The following RASGRP1 variants were observed in gnomAD, a reference collection of about 807,000 sequenced individuals.
The protein encoded by RASGRP1 is RAS guanyl-releasing protein 1.
Under a neutral mutation model 95.1 loss-of-function variants are expected in RASGRP1, and 37 were observed. The observed-to-expected ratio is 0.39, with a 90% CI of 0.30 to 0.51. The LOEUF (loss-of-function observed/expected upper bound fraction) is 0.51, where lower values mean the gene tolerates loss of function less well. Among genes scored for constraint, RASGRP1 ranks in the 20% least tolerant of loss-of-function variants. RASGRP1 has a pLI of 0.80. For synonymous variants in RASGRP1, 325 were observed against 353.4 expected (o/e 0.92, Z 0.90); for missense variants, 711 against 965.4 (o/e 0.74, Z 3.49).
chr15:38,521,796 C>G (rs1892011628), intron 3 of RASGRP1, among the ~76,000 whole-genome samples: 1 of 152,142 alleles, frequency 6.6e-6, no homozygotes, highest in African/African-American at 2.4e-5. Flanking sequence ...AAATTTATCC[C>G]TCTCTTCTTT....
intron 2 of RASGRP1, among the ~76,000 whole-genome samples, chr15:38,554,458 T>C (rs563543818): frequency 1.4e-4 from 21 of 152,338 alleles, no homozygotes; most frequent in African/African-American, 4.6e-4. Flanking sequence ...TCAGAATTCC[T>C]GAGACACTGT....
At chr15:38,546,484 C>T (rs2141176452) in intron 2 of RASGRP1, among the ~76,000 whole-genome samples, 1 of 152,318 alleles carries the variant, frequency 6.6e-6, no homozygotes, top group East Asian at 1.9e-4. Context: ...CCACCTCGGC[C>T]TCCCAAAGTG....
intron 14 of RASGRP1, 180 bp from the exon 15 acceptor site, chr15:38,499,126 C>T (rs1241695780): frequency 2.4e-6 from 2 of 834,408 alleles, no homozygotes; most frequent in Admixed American, 3.7e-5. Flanking sequence ...GCCCAGAGCT[C>T]ACACTCTTGA....
In RASGRP1 at chr15:38,503,342, T is replaced by C; in HGVS notation, c.1358A>G (p.Asp453Gly). ...TTTGGGAGACACTCCAGAAGCCCAGTCCACTACTACTGGTGGCTTTGAAGG... is the reference window on the plus strand; with the variant it reads ...TTTGGGAGACACTCCAGAAGCCCAGCCCACTACTACTGGTGGCTTTGAAGG... ...LTPSKPPVVVDWASGVSPKPD... is the reference protein window; with the variant it reads ...LTPSKPPVVVGWASGVSPKPD... The change falls in exon 11 of 17, where the codon GAC becomes GGC. Residue 453 changes from aspartate to glycine, a missense_variant. Asp to Gly is a moderately conservative substitution (Grantham distance 94). This residue lies in a region of RASGRP1 where 491 missense variants were observed against 676.6 expected (regional missense o/e 0.73). Coordinates refer to ENST00000310803, the MANE Select transcript of RASGRP1 (RefSeq NM_005739.4). The C allele has an allele frequency of 6.2e-7, 1 of 1,612,298 alleles. No individual in the cohort carries two copies. The highest frequency in any genetic ancestry group is 8.5e-7 in the Non-Finnish European group (1 of 1,179,156).
chr15:38,531,393 A>G (rs1241557458), intron 2 of RASGRP1, among the ~76,000 whole-genome samples: 2 of 152,340 alleles, frequency 1.3e-5, no homozygotes, highest in East Asian at 3.9e-4. Context: ...TCCAGTCCTT[A>G]TGGCTACAAG....
chr15:38,494,292 G>A (rs781191699), intron 16 of RASGRP1, 90 bp downstream of exon 16: 1 of 1,504,110 alleles, frequency 6.6e-7, no homozygotes. Flanking sequence ...TAATCAGCCT[G>A]ATCTGAATCT....
At chr15:38,500,167 CAT>C (rs755286415) in intron 13 of RASGRP1, 28 bp from the exon 14 acceptor site, 9 of 1,610,058 alleles carry the variant, frequency 5.6e-6, no homozygotes, top group Middle Eastern at 3.3e-4. Context: ...GAATGCACCA[CAT>C]GTCATTCATC....
At chr15:38,510,374 G>C (rs1466546539) in intron 8 of RASGRP1, among the ~76,000 whole-genome samples, 1 of 152,246 alleles carries the variant, frequency 6.6e-6, no homozygotes, top group African/African-American at 2.4e-5. Context: ...TAAAGATGAT[G>C]CCCTTTTGAT....
At chr15:38,498,716 T>G in intron 15 of RASGRP1, 78 bp downstream of exon 15, 53 of 1,525,374 alleles carry the variant, frequency 3.5e-5, no homozygotes, top group Non-Finnish European at 4.4e-5. Context: ...CACAGAGTCA[T>G]GAGGTAATCT....
At chr15:38,499,222 T>G (rs1255513651) in intron 14 of RASGRP1, 1 of 572,484 alleles carries the variant, frequency 1.7e-6, no homozygotes, top group Admixed American at 2.3e-5. Flanking sequence ...ATCCCATACA[T>G]TCTGCCTACT....
chr15:38,501,434 C>T (rs765182040), intron 12 of RASGRP1, 147 bp from the exon 13 acceptor site: 50 of 918,144 alleles, frequency 5.4e-5, no homozygotes, highest in Non-Finnish European at 8.1e-5. Context: ...CTTCCATGGG[C>T]CCTACTCTTA....
chr15:38,548,217 G>A (rs1445555280), intron 2 of RASGRP1, among the ~76,000 whole-genome samples: 1 of 152,024 alleles, frequency 6.6e-6, no homozygotes, highest in African/African-American at 2.4e-5. Flanking sequence ...TTGAATTTTT[G>A]TAATCCTAAA....
chr15:38,492,406 A>G (rs1027285254), intron 16 of RASGRP1, among the ~76,000 whole-genome samples: 1 of 152,250 alleles, frequency 6.6e-6, no homozygotes, highest in Non-Finnish European at 1.5e-5. Flanking sequence ...CAGGGAAGGT[A>G]GAGCATTGAG....
At chr15:38,500,018 A>T in intron 14 of RASGRP1, 85 bp downstream of exon 14, 1 of 1,392,426 alleles carries the variant, frequency 7.2e-7, no homozygotes, top group Non-Finnish European at 1.0e-6. Flanking sequence ...TTGCCTTTAT[A>T]AATTACCCAG....
chr15:38,494,685 C>G lies in RASGRP1; in HGVS notation c.1956G>C (p.Leu652=), dbSNP rs1370753328. 6 of 1,534,080 alleles carry G rather than the reference C, an allele frequency of 3.9e-6. No individual in the cohort carries two copies. Among genetic ancestry groups the G allele is most frequent in the East Asian group, 2.3e-5 (1 of 44,294 alleles). The change falls in exon 16 of 17, where the codon CTG becomes CTC. Residue 652 remains leucine (L), a synonymous_variant. Coordinates refer to ENST00000310803, the MANE Select transcript of RASGRP1 (RefSeq NM_005739.4). ...AAATCTTCTGTGAGGACACTCCCATCAGCATGATGGTCCGATCCTTACTCT... is the reference window on the plus strand; with the variant it reads ...AAATCTTCTGTGAGGACACTCCCATGAGCATGATGGTCCGATCCTTACTCT... ...GEESKDRTIM[L]MGVSSQKISL...
intron 2 of RASGRP1, among the ~76,000 whole-genome samples, chr15:38,558,439 T>C (rs1205934390): frequency 2.0e-5 from 3 of 152,236 alleles, no homozygotes; most frequent in Non-Finnish European, 2.9e-5. Flanking sequence ...AAACTAGTAA[T>C]ACTAAAAATT....
At chr15:38,518,263 G>A (rs1239012151) in intron 5 of RASGRP1, 29 bp downstream of exon 5, 28 of 1,602,382 alleles carry the variant, frequency 1.7e-5, no homozygotes, top group East Asian at 1.1e-4. Context: ...AGGTGGTTTC[G>A]AAAGATGAGT....
At chr15:38,545,669 G>C (rs1203531033) in intron 2 of RASGRP1, among the ~76,000 whole-genome samples, 1 of 152,110 alleles carries the variant, frequency 6.6e-6, no homozygotes, top group Admixed American at 6.5e-5. Context: ...CTGACAAGCA[G>C]AGAGAAGCAA....
chr15:38,508,090 A>G, intron 8 of RASGRP1, 89 bp from the exon 9 acceptor site: 5 of 1,417,710 alleles, frequency 3.5e-6, no homozygotes. Context: ...ATCCTGTGCC[A>G]TGATCTCACC....
Sources: allele counts gnomAD v4.1 joint callset (sites outside exome capture counted in the v4.1 genomes callset), GRCh38; gene constraint gnomAD v4.1.1; regional missense constraint gnomAD v4.1.1; transcripts MANE v1.5; gene names NCBI Gene and HGNC (gene_info 2026-07-23, HGNC 2026-07-21).